PCCA: variants seen among roughly 807,000 people sequenced by gnomAD.
The protein encoded by PCCA is propionyl-CoA carboxylase subunit alpha.
PCCA carries 74 observed loss-of-function variants against 101.3 expected under a neutral mutation model. The ratio of observed to expected loss-of-function variants is 0.73; its 90% confidence interval spans 0.61 to 0.89. The LOEUF (loss-of-function observed/expected upper bound fraction) is 0.89. Among genes scored for constraint, PCCA ranks in the 40% least tolerant of loss-of-function variants. PCCA has a pLI of 0.00. For missense variants in PCCA, 891 were observed against 907.0 expected (o/e 0.98, Z 0.23); for synonymous variants, 294 against 313.6 (o/e 0.94, Z 0.66).
intron 22 of PCCA, among the ~76,000 whole-genome samples, chr13:100,523,926 C>T (rs1425136942): frequency 1.3e-5 from 2 of 152,338 alleles, no homozygotes; most frequent in South Asian, 2.1e-4. Context: ...GAACGGGCCC[C>T]GCACATGGGG....
intron 7 of PCCA, among the ~76,000 whole-genome samples, chr13:100,224,466 T>C (rs1433718790): frequency 6.6e-6 from 1 of 152,180 alleles, no homozygotes; most frequent in African/African-American, 2.4e-5. Flanking sequence ...GGGAGCTGGC[T>C]CTGGCCTTGG....
At chr13:100,397,061 T>C (rs1234238254) in intron 19 of PCCA, among the ~76,000 whole-genome samples, 1 of 152,202 alleles carries the variant, frequency 6.6e-6, no homozygotes, top group Non-Finnish European at 1.5e-5. Context: ...TCCTTATTCA[T>C]GGACACTCTA....
chr13:100,414,719 G>T (rs1353685578), intron 19 of PCCA, among the ~76,000 whole-genome samples: 1 of 152,198 alleles, frequency 6.6e-6, no homozygotes, highest in African/African-American at 2.4e-5. Flanking sequence ...TAATGTCACA[G>T]TGTAATTAAC....
chr13:100,467,086 T>A (rs2082579161), intron 21 of PCCA, among the ~76,000 whole-genome samples: 1 of 152,194 alleles, frequency 6.6e-6, no homozygotes, highest in Non-Finnish European at 1.5e-5. Context: ...ATGTTTCAGA[T>A]GCAGTAACAC....
chr13:100,390,185 A>G (rs1265980657), intron 19 of PCCA, among the ~76,000 whole-genome samples: 1 of 152,230 alleles, frequency 6.6e-6, no homozygotes, highest in Non-Finnish European at 1.5e-5. Flanking sequence ...TCCACATGCA[A>G]TATGTTATTT....
At chr13:100,147,094 A>G (rs2052670638) in intron 4 of PCCA, among the ~76,000 whole-genome samples, 1 of 152,140 alleles carries the variant, frequency 6.6e-6, no homozygotes, top group Non-Finnish European at 1.5e-5. Flanking sequence ...AATCTTAAAC[A>G]TGAAATAAAA....
At chr13:100,276,350 A>G (rs113222312) in intron 12 of PCCA, among the ~76,000 whole-genome samples, 2 of 151,710 alleles carry the variant, frequency 1.3e-5, no homozygotes, top group Non-Finnish European at 2.9e-5. Flanking sequence ...TTATTTGGAC[A>G]TAATTGATTT....
chr13:100,252,272 C>T (rs1048650197), intron 8 of PCCA, among the ~76,000 whole-genome samples: 46 of 152,286 alleles, frequency 3.0e-4, no homozygotes, highest in African/African-American at 1.1e-3. Context: ...CTTGAGGAAA[C>T]AAAGGCCTTG....
chr13:100,468,904 A>G (rs2082741905), intron 21 of PCCA, among the ~76,000 whole-genome samples: 2 of 152,046 alleles, frequency 1.3e-5, no homozygotes. Flanking sequence ...AAGATGGTGG[A>G]GCAAGAACAA....
chr13:100,509,983 A>G (rs1422711926), intron 21 of PCCA, among the ~76,000 whole-genome samples: 1 of 152,248 alleles, frequency 6.6e-6, no homozygotes, highest in Non-Finnish European at 1.5e-5. Flanking sequence ...CCGAAAACCC[A>G]GATGAGGAGC....
chr13:100,251,089 C>A (rs2061722723), intron 8 of PCCA, among the ~76,000 whole-genome samples: 1 of 151,986 alleles, frequency 6.6e-6, no homozygotes, highest in African/African-American at 2.4e-5. Flanking sequence ...TGCTAGTAGG[C>A]CAGTACAAGA....
rs1297025138 is a variant in PCCA, at chr13:100,530,407, A to AAATC, written c.*245_*248dup. On this transcript the variant is annotated 3_prime_UTR_variant, in exon 24 of 24. Coordinates refer to ENST00000376285, the MANE Select transcript of PCCA (RefSeq NM_000282.4). Reference sequence around the variant, plus strand: ...TGTGAGATTCCCTAGTGTCAAAATTAAATCAATAAAACTGAGCATTTGTCT... The same window carrying AAATC: ...TGTGAGATTCCCTAGTGTCAAAATTAAATCAATCAATAAAACTGAGCATTTGTCT... The AAATC allele has an allele frequency of 8.5e-6, 5 of 589,514 alleles. No individual in the cohort carries two copies. The highest frequency in any genetic ancestry group is 3.7e-5 in the African/African-American group (2 of 53,480). The allele number at this position is 589,514 out of a possible 1,614,324, so 36.5% of individuals were successfully genotyped here.
intron 22 of PCCA, 193 bp from the exon 23 acceptor site, chr13:100,527,482 T>C (rs1299405919): frequency 1.3e-5 from 8 of 630,244 alleles, no homozygotes; most frequent in African/African-American, 5.5e-5. Context: ...ACGAGGACTT[T>C]ATGAGAGAGA....
intron 19 of PCCA, among the ~76,000 whole-genome samples, chr13:100,422,065 T>TTCC (rs1555453990): frequency 1.7e-5 from 1 of 59,346 alleles, no homozygotes; most frequent in East Asian, 8.1e-4. Flanking sequence ...TTCTCTTCTC[T>TTCC]TTTCTTTTCT....
In PCCA at chr13:100,141,073, G is replaced by C. The variant is rs560052598; in HGVS notation, c.301-13906G>C. ...AATGATGCAGTATAGCTTGCCTCCT[G>C]TGGATGTTATTTTCTTTCCATAGGA... is the stretch of plus-strand genomic sequence containing the variant. On this transcript the variant is annotated intron_variant, in intron 4 of 23. Coordinates refer to ENST00000376285, the MANE Select transcript of PCCA (RefSeq NM_000282.4). 2.3e-3 allele frequency among the ~76,000 whole-genome samples: 349 copies of C among 152,264 alleles called. 2 individuals carry two copies. The highest frequency in any genetic ancestry group is 2.7e-3 in the Non-Finnish European group (185 of 68,028).
At chr13:100,454,063 G>C (rs2081538326) in intron 21 of PCCA, among the ~76,000 whole-genome samples, 1 of 152,060 alleles carries the variant, frequency 6.6e-6, no homozygotes, top group Non-Finnish European at 1.5e-5. Context: ...AGTAGAGGCA[G>C]GGTTTCACTG....
intron 9 of PCCA, among the ~76,000 whole-genome samples, chr13:100,260,404 T>G (rs1286705765): frequency 4.3e-4 from 57 of 131,214 alleles, no homozygotes; most frequent in African/African-American, 1.1e-3. Context: ...TGTGTTTTTT[T>G]TTTTTTTTTT....
chr13:100,221,533 C>G (rs1232858365), intron 7 of PCCA, among the ~76,000 whole-genome samples: 1 of 152,124 alleles, frequency 6.6e-6, no homozygotes, highest in African/African-American at 2.4e-5. Flanking sequence ...GAAAGGTAGA[C>G]AGGAGAAAAG....
intron 17 of PCCA, among the ~76,000 whole-genome samples, chr13:100,332,077 T>G (rs2069697852): frequency 6.6e-6 from 1 of 152,034 alleles, no homozygotes; most frequent in Non-Finnish European, 1.5e-5. Context: ...TAGTTGGGAT[T>G]ACAGGCATGT....
Sources: allele counts gnomAD v4.1 joint callset (sites outside exome capture counted in the v4.1 genomes callset), GRCh38; gene constraint gnomAD v4.1.1; transcripts MANE v1.5; gene names NCBI Gene and HGNC (gene_info 2026-07-23, HGNC 2026-07-21).